ZNF280C: variants seen among roughly 807,000 people sequenced by gnomAD.
ZNF280C encodes suppressor of hairy wing homolog 3.
ZNF280C carries 14 observed loss-of-function variants against 53.6 expected under a neutral mutation model. The observed-to-expected ratio is 0.26, with a 90% CI of 0.17 to 0.41. The LOEUF (loss-of-function observed/expected upper bound fraction) is 0.41, where lower values mean the gene tolerates loss of function less well. ZNF280C is among the 10% of genes least tolerant of loss of function. ZNF280C has a pLI of 1.00. For synonymous variants in ZNF280C, 203 were observed against 181.1 expected, an observed-to-expected ratio of 1.12 and a Z score of -0.97; for missense variants, 416 against 547.1, an observed-to-expected ratio of 0.76 and a Z score of 2.39.
chrX:130,267,924 G>A (rs1179327234), intron 1 of ZNF280C, among the ~76,000 whole-genome samples: 1 of 111,965 alleles, frequency 8.9e-6, no homozygotes, highest in African/African-American at 3.2e-5. Flanking sequence ...CAAACAAAGA[G>A]AATCCCCTGG....
chrX:130,213,360 A>G (rs966494081), intron 15 of ZNF280C, among the ~76,000 whole-genome samples: 2 of 111,898 alleles, frequency 1.8e-5, no homozygotes, highest in Non-Finnish European at 3.8e-5. Flanking sequence ...GTGACAGAGC[A>G]AGACTCCATC....
intron 3 of ZNF280C, among the ~76,000 whole-genome samples, 179 bp from the exon 4 acceptor site, chrX:130,244,044 A>C (rs1334070131): frequency 9.0e-6 from 1 of 111,578 alleles, no homozygotes; most frequent in South Asian, 3.8e-4. Flanking sequence ...CCCTTCCCCA[A>C]CCCTGTGCCA....
At position 130,228,976 on chromosome X, in the gene ZNF280C, C is replaced by A; in HGVS notation, c.1147+1G>T. The A allele has an allele frequency of 8.6e-7, 1 of 1,158,043 alleles. No homozygotes were observed. The highest frequency in any genetic ancestry group is 1.2e-6 in the Non-Finnish European group (1 of 864,173). On this transcript the variant is annotated splice_donor_variant, in intron 10 of 18. Transcript: ENST00000370978. LOFTEE classifies it high-confidence loss of function. ...AGGATTCCAAAGAAACTTTCACTTA[C>A]TAGAAAACTCATGGGGAGTGTGTGT...
intron 16 of ZNF280C, among the ~76,000 whole-genome samples, chrX:130,206,902 G>A (rs1472891931): frequency 8.9e-6 from 1 of 112,230 alleles, no homozygotes; most frequent in Non-Finnish European, 1.9e-5. Flanking sequence ...GATTTATCGA[G>A]TACTTACTCT....
At chrX:130,261,278 T>C (rs753419148) in intron 1 of ZNF280C, among the ~76,000 whole-genome samples, 14 of 112,475 alleles carry the variant, frequency 1.2e-4, no homozygotes, top group Admixed American at 8.5e-4. Context: ...AACAGGAATT[T>C]GTATCCTGAG....
intron 2 of ZNF280C, among the ~76,000 whole-genome samples, chrX:130,254,122 A>G: frequency 8.9e-6 from 1 of 112,532 alleles, no homozygotes; most frequent in Non-Finnish European, 1.9e-5. Flanking sequence ...GCTTATCAGA[A>G]GAAGACATAC....
intron 2 of ZNF280C, among the ~76,000 whole-genome samples, chrX:130,259,208 G>C (rs990964979): frequency 6.2e-5 from 7 of 112,107 alleles, no homozygotes; most frequent in Non-Finnish European, 1.3e-4. Flanking sequence ...CTCCTTGAGA[G>C]TGAAAAACAT....
rs1293203316 is a variant in ZNF280C at position 130,204,425 on chromosome X, C to T, written c.*552G>A. 1 of 113,240 alleles carries T rather than the reference C, an allele frequency of 8.8e-6. No individual in the cohort carries two copies. Among genetic ancestry groups the T allele is most frequent in the Non-Finnish European group, 1.9e-5 (1 of 53,426 alleles). The allele number at this position is 113,240 out of a possible 1,213,427, so 9.3% of individuals were successfully genotyped here. On this transcript the variant is annotated 3_prime_UTR_variant, in exon 19 of 19. Transcript: ENST00000370978. The stretch of plus-strand genomic sequence containing the variant: ...CTGAAGGCCACAAACTAGAGGACGT[C>T]TCACAGTCAAATAATTCACATTTCT...
intron 15 of ZNF280C, 75 bp from the exon 16 acceptor site, chrX:130,209,790 C>T: frequency 1.3e-6 from 1 of 774,802 alleles, no homozygotes. Flanking sequence ...GACCACATTT[C>T]AAGCCAATGC....
At chrX:130,222,392 T>A (rs906234151) in intron 12 of ZNF280C, among the ~76,000 whole-genome samples, 2 of 109,683 alleles carry the variant, frequency 1.8e-5, no homozygotes, top group Non-Finnish European at 3.8e-5. Flanking sequence ...TACTTCTGTA[T>A]CCCCAGTACC....
chrX:130,221,745 G>A (rs915214350), intron 12 of ZNF280C, among the ~76,000 whole-genome samples: 2 of 111,315 alleles, frequency 1.8e-5, no homozygotes, highest in Non-Finnish European at 3.8e-5. Context: ...TACTATACTT[G>A]TCTGAGCCAC....
intron 1 of ZNF280C, among the ~76,000 whole-genome samples, chrX:130,266,457 T>C (rs1158363064): frequency 1.8e-5 from 2 of 112,053 alleles, no homozygotes; most frequent in Admixed American, 9.5e-5. Context: ...CTAATACTAA[T>C]AATGTATTGT....
intron 13 of ZNF280C, among the ~76,000 whole-genome samples, chrX:130,218,529 C>T (rs1206634571): frequency 3.6e-5 from 4 of 112,434 alleles, no homozygotes; most frequent in Admixed American, 2.8e-4. Flanking sequence ...CATTTGATTA[C>T]ACTCCCCCCA....
intron 1 of ZNF280C, 52 bp downstream of exon 1, chrX:130,268,710 G>A (rs1322913526): frequency 1.8e-5 from 2 of 112,768 alleles, no homozygotes; most frequent in Non-Finnish European, 3.8e-5. Context: ...GGCCGCGCGG[G>A]AGAGCTGCTG....
chrX:130,247,518 A>G (rs1472688014), intron 2 of ZNF280C, among the ~76,000 whole-genome samples: 1 of 111,590 alleles, frequency 9.0e-6, no homozygotes, highest in Non-Finnish European at 1.9e-5. Flanking sequence ...TAATCAGTAC[A>G]TGGTAGCAAA....
chrX:130,251,282 C>CAAA lies in ZNF280C; in HGVS notation c.32-4280_32-4278dup, dbSNP rs61571389. On this transcript the variant is annotated intron_variant, in intron 2 of 18. Transcript: ENST00000370978. Reference sequence around the variant, plus strand: ...AGGCAAACGCAGTAAGGACCTGTCTCAAAAAAAAAAAAAAAAAAAAAAAAA... The same window carrying CAAA: ...AGGCAAACGCAGTAAGGACCTGTCTCAAAAAAAAAAAAAAAAAAAAAAAAAAAA... 9.3e-3 allele frequency among the ~76,000 whole-genome samples: 143 copies of CAAA among 15,322 alleles called. 26 individuals are homozygous for CAAA. The highest frequency in any genetic ancestry group is 0.05 in the African/African-American group (130 of 2,584). The allele number at this position is 15,322 out of a possible 115,157, so 13.3% of individuals were successfully genotyped here. A position where few individuals can be genotyped will look rare whatever the true frequency, so the allele number is the denominator to read the frequency against.
intron 12 of ZNF280C, among the ~76,000 whole-genome samples, chrX:130,226,471 C>T (rs1402903449): frequency 9.0e-6 from 1 of 111,494 alleles, no homozygotes; most frequent in African/African-American, 3.3e-5. Context: ...TCTGTTTTTT[C>T]CTCCACTTTG....
intron 16 of ZNF280C, among the ~76,000 whole-genome samples, chrX:130,208,822 A>G (rs1056679430): frequency 1.8e-5 from 2 of 109,438 alleles, no homozygotes; most frequent in Non-Finnish European, 3.8e-5. Context: ...CAGCCTCCCA[A>G]GTAGCTGGGA....
chrX:130,216,182 A>G, intron 13 of ZNF280C, 81 bp from the exon 14 acceptor site: 3 of 904,800 alleles, frequency 3.3e-6, no homozygotes, highest in East Asian at 3.1e-5. Context: ...AGCCGTAAAT[A>G]TCACATTTAC....
Sources: gnomAD v4.1 joint callset for allele counts (sites outside exome capture counted in the v4.1 genomes callset) on GRCh38, gnomAD v4.1.1 for gene constraint, MANE v1.5 for transcripts, NCBI Gene and HGNC (gene_info 2026-07-23, HGNC 2026-07-21) for gene names.